DISP1: variants seen among roughly 807,000 people sequenced by gnomAD.
DISP1 encodes the protein dispatched RND transporter family member 1.
In DISP1, 30 loss-of-function variants were observed where a neutral mutation model predicts 37.3. The observed-to-expected ratio is 0.80, with a 90% CI of 0.60 to 1.09. The LOEUF is 1.09. DISP1 is among the 50% of genes least tolerant of loss of function. The pLI is 0.00. For missense variants in DISP1, 1,598 were observed against 1,879.5 expected, an observed-to-expected ratio of 0.85 and a Z score of 2.77; for synonymous variants, 634 against 690.2, an observed-to-expected ratio of 0.92 and a Z score of 1.28.
At position 222,924,669 on chromosome 1, in the gene DISP1, A is replaced by G. The variant is rs145844346; in HGVS notation, c.-158-3761A>G. 3.0e-3 allele frequency among the ~76,000 whole-genome samples: 450 copies of G among 152,284 alleles called. 2 individuals carry two copies. The highest frequency in any genetic ancestry group is 0.01 in the African/African-American group (425 of 41,556). ...AAATTACTAAACTATTAATTTGACCATACTGAAAGAAAAATCTTGCTGAAG... is the reference window on the plus strand; with the variant it reads ...AAATTACTAAACTATTAATTTGACCGTACTGAAAGAAAAATCTTGCTGAAG... On this transcript the variant is annotated intron_variant, in intron 1 of 8. Transcript: ENST00000675850.
At chr1:222,882,258 A>G (rs1558309660) in intron 1 of DISP1, among the ~76,000 whole-genome samples, 1 of 152,206 alleles carries the variant, frequency 6.6e-6, no homozygotes, top group Non-Finnish European at 1.5e-5. Flanking sequence ...ACTACAAAGA[A>G]CAATCATTTT....
chr1:222,927,859 G>A (rs912466634), intron 1 of DISP1, among the ~76,000 whole-genome samples: 1 of 152,076 alleles, frequency 6.6e-6, no homozygotes, highest in East Asian at 1.9e-4. Context: ...TGCTGTTTTT[G>A]TTTGGAAAAT....
chr1:222,872,653 A>C (rs994982104), intron 1 of DISP1, among the ~76,000 whole-genome samples: 1 of 151,094 alleles, frequency 6.6e-6, no homozygotes, highest in African/African-American at 2.4e-5. Context: ...TGTCTATTTG[A>C]TTCTTCTCTC....
At chr1:222,866,224 C>T (rs1432714525) in intron 1 of DISP1, among the ~76,000 whole-genome samples, 1 of 152,112 alleles carries the variant, frequency 6.6e-6, no homozygotes, top group African/African-American at 2.4e-5. Context: ...TTATCCTCAC[C>T]CTCAGCCTTT....
intron 1 of DISP1, among the ~76,000 whole-genome samples, chr1:222,837,979 A>G (rs2125282805): frequency 6.6e-6 from 1 of 152,312 alleles, no homozygotes; most frequent in South Asian, 2.1e-4. Context: ...CTGCATGGTT[A>G]TCCCCAGAGG....
chr1:222,916,075 G>T (rs1255758776), intron 1 of DISP1, among the ~76,000 whole-genome samples: 4 of 152,116 alleles, frequency 2.6e-5, no homozygotes, highest in African/African-American at 9.7e-5. Context: ...CTTCATTTTT[G>T]TCAAAAGTGT....
chr1:222,991,765 C>T lies in DISP1; in HGVS notation c.791+118C>T, dbSNP rs1678712555. The T allele has an allele frequency of 2.5e-6, 3 of 1,205,614 alleles. No individual in the cohort carries two copies. The African/African-American group carries it at 4.6e-5, about 18-fold the overall frequency. 74.7% of individuals were successfully genotyped at this position (1,205,614 alleles called of 1,614,324 possible). ...AAAATGTGTGGCTCAAAATCTTTGC[C>T]ACTGAATTTGCTTAACTTGTCATTG... On this transcript the variant is annotated intron_variant, in intron 6 of 8. Transcript: ENST00000675850.
chr1:222,978,697 A>G (rs1027780299), intron 3 of DISP1, among the ~76,000 whole-genome samples: 19 of 152,172 alleles, frequency 1.2e-4, no homozygotes, highest in Non-Finnish European at 2.6e-4. Flanking sequence ...TAATTTTTGT[A>G]TAAGGTGTAA....
chr1:223,000,513 G>A (rs1477098740), intron 8 of DISP1, among the ~76,000 whole-genome samples: 1 of 152,110 alleles, frequency 6.6e-6, no homozygotes, highest in Non-Finnish European at 1.5e-5. Flanking sequence ...TAGTACATTT[G>A]AACAAAAACC....
chr1:222,821,360 T>C (rs1241067885), intron 1 of DISP1, among the ~76,000 whole-genome samples: 1 of 152,186 alleles, frequency 6.6e-6, no homozygotes, highest in Non-Finnish European at 1.5e-5. Context: ...CCAAAGATAA[T>C]TGGTTACAAA....
At chr1:222,913,573 T>TA (rs901813985) in intron 1 of DISP1, among the ~76,000 whole-genome samples, 1 of 152,072 alleles carries the variant, frequency 6.6e-6, no homozygotes, top group African/African-American at 2.4e-5. Context: ...TTTTTGTCTT[T>TA]AAAAAAAGTT....
intron 1 of DISP1, among the ~76,000 whole-genome samples, chr1:222,868,537 T>G (rs2125338959): frequency 6.6e-6 from 1 of 152,300 alleles, no homozygotes; most frequent in East Asian, 1.9e-4. Flanking sequence ...CTTCATTTAT[T>G]GTTGTATTAT....
intron 3 of DISP1, among the ~76,000 whole-genome samples, chr1:222,967,617 G>A (rs923288912): frequency 3.3e-5 from 5 of 152,142 alleles, no homozygotes; most frequent in Admixed American, 1.3e-4. Flanking sequence ...ACAACAGAGA[G>A]CCCTTGGATT....
chr1:222,993,607 G>T (rs1678855107), intron 7 of DISP1, among the ~76,000 whole-genome samples: 1 of 152,160 alleles, frequency 6.6e-6, no homozygotes, highest in Non-Finnish European at 1.5e-5. Flanking sequence ...ATCCCAGGAA[G>T]CAATACATGT....
intron 1 of DISP1, among the ~76,000 whole-genome samples, chr1:222,886,767 C>G (rs1334360445): frequency 6.6e-6 from 1 of 152,146 alleles, no homozygotes; most frequent in African/African-American, 2.4e-5. Flanking sequence ...CCTAGGAAGC[C>G]TAGAAACAAA....
In DISP1 at chr1:222,960,603, C is replaced by A. The variant is rs542391945; in HGVS notation, c.509+17271C>A. On this transcript the variant is annotated intron_variant, in intron 3 of 8. Transcript: ENST00000675850. Reference sequence around the variant, plus strand: ...AAGTAATCCAAAAGCTAGCAGAAGACAAGAAATGACTAAGATCAGAGCAGA... The same window carrying A: ...AAGTAATCCAAAAGCTAGCAGAAGAAAAGAAATGACTAAGATCAGAGCAGA... 3.3e-5 allele frequency among the ~76,000 whole-genome samples: 5 copies of A among 151,826 alleles called. No homozygotes were observed. In the South Asian group the frequency reaches 1.0e-3, roughly 32 times the overall value.
At chr1:222,896,317 G>A (rs1408284406) in intron 1 of DISP1, among the ~76,000 whole-genome samples, 1 of 150,632 alleles carries the variant, frequency 6.6e-6, no homozygotes, top group Non-Finnish European at 1.5e-5. Context: ...CAAAAAAAAA[G>A]AGGCTGGGCG....
At chr1:222,961,332 C>T (rs1247466053) in intron 3 of DISP1, among the ~76,000 whole-genome samples, 4 of 152,138 alleles carry the variant, frequency 2.6e-5, no homozygotes, top group Admixed American at 6.5e-5. Flanking sequence ...AATCAATAAA[C>T]GTAATCCATC....
At chr1:222,877,961 A>G (rs1670057618) in intron 1 of DISP1, among the ~76,000 whole-genome samples, 1 of 152,220 alleles carries the variant, frequency 6.6e-6, no homozygotes, top group Non-Finnish European at 1.5e-5. Context: ...GCAGAGTTCC[A>G]GTGGGAGAGT....
Sources: allele counts gnomAD v4.1 joint callset (sites outside exome capture counted in the v4.1 genomes callset), GRCh38; gene constraint gnomAD v4.1.1; transcripts MANE v1.5; gene names NCBI Gene and HGNC (gene_info 2026-07-23, HGNC 2026-07-21).